Variants in LTBP2 observed in about 807,000 individuals in gnomAD.
LTBP2 encodes the protein latent-transforming growth factor beta-binding protein 2.
A neutral mutation model predicts 210.6 loss-of-function variants in LTBP2; 103 were observed. The observed-to-expected ratio is 0.49, with a 90% CI of 0.42 to 0.58. The LOEUF (loss-of-function observed/expected upper bound fraction) is 0.58, where lower values mean the gene tolerates loss of function less well. Ranked by LOEUF, LTBP2 falls within the 20% of genes least tolerant of loss-of-function variation. The pLI is 0.00. For missense variants in LTBP2, 2,313 were observed against 2,494.5 expected, an observed-to-expected ratio of 0.93 and a Z score of 1.55; for synonymous variants, 1,007 against 1,015.0, an observed-to-expected ratio of 0.99 and a Z score of 0.15.
At chr14:74,531,248 A>G (rs189056372) in intron 10 of LTBP2, among the ~76,000 whole-genome samples, 1 of 152,312 alleles carries the variant, frequency 6.6e-6, no homozygotes, top group Non-Finnish European at 1.5e-5. Context: ...GAATCACTGT[A>G]GGAGGCTGGA....
At chr14:74,504,380 C>T (rs2086955975) in intron 30 of LTBP2, among the ~76,000 whole-genome samples, 1 of 152,218 alleles carries the variant, frequency 6.6e-6, no homozygotes, top group Non-Finnish European at 1.5e-5. Context: ...GTACCTGGAC[C>T]ATCCTACTGT....
rs1273987376 is a variant in LTBP2, at chr14:74,604,164, C to CAAACAAAAAAAAAAAAAAAAA, written c.495-460_495-459insTTTTTTTTTTTTTTTTTGTTT. ...GCTCCAACTCTACATTGCCTCTCAC[C>CAAACAAAAAAAAAAAAAAAAA]AAAAAAAAAAAAAAAAAAAACCACA... On this transcript the variant is annotated intron_variant, in intron 1 of 35. Coordinates refer to ENST00000261978, the MANE Select transcript of LTBP2 (RefSeq NM_000428.3). 2.9e-3 allele frequency among the ~76,000 whole-genome samples: 208 copies of CAAACAAAAAAAAAAAAAAAAA among 72,692 alleles called. 6 individuals are homozygous for CAAACAAAAAAAAAAAAAAAAA. The highest frequency in any genetic ancestry group is 0.015 in the African/African-American group (197 of 13,396). 47.7% of individuals were successfully genotyped at this position (72,692 alleles called of 152,430 possible).
intron 34 of LTBP2, 58 bp downstream of exon 34, chr14:74,502,595 G>A (rs757213554): frequency 1.2e-6 from 2 of 1,609,450 alleles, no homozygotes; most frequent in Admixed American, 1.7e-5. Context: ...AGGTGGAGGA[G>A]ATGGAAGTGA....
At chr14:74,502,213 C>T (rs2086918224) in intron 34 of LTBP2, among the ~76,000 whole-genome samples, 1 of 152,126 alleles carries the variant, frequency 6.6e-6, no homozygotes, top group South Asian at 2.1e-4. Flanking sequence ...GTTTGGATCG[C>T]ACCATTCACA....
At chr14:74,585,412 T>C (rs1488080478) in intron 3 of LTBP2, among the ~76,000 whole-genome samples, 3 of 152,206 alleles carry the variant, frequency 2.0e-5, no homozygotes, top group Admixed American at 1.3e-4. Context: ...TTTCTTTATA[T>C]TGACTAATTT....
Position 74,505,116 on chromosome 14 carries a change from G to A in LTBP2, c.4236C>T (p.Asp1412=). ...GDHAPAPTRM[D]CYSGQKGHAP... ...CATGGCCCTTCTGCCCGGAGTAGCA[G>A]TCCATGCGGGTGGGGGCCGGGGCAT... is the stretch of plus-strand genomic sequence containing the variant. The change falls in exon 29 of 36, where the codon GAC becomes GAT. Residue 1412 remains aspartate, a synonymous_variant. Coordinates refer to ENST00000261978, the MANE Select transcript of LTBP2 (RefSeq NM_000428.3). 1 of 1,613,948 alleles carries A rather than the reference G, an allele frequency of 6.2e-7. No individual in the cohort carries two copies. Among genetic ancestry groups the A allele is most frequent in the Non-Finnish European group, 8.5e-7 (1 of 1,180,042 alleles).
At chr14:74,506,314 A>C in intron 27 of LTBP2, 123 bp from the exon 28 acceptor site, 1 of 1,324,884 alleles carries the variant, frequency 7.5e-7, no homozygotes, top group Non-Finnish European at 1.1e-6. Context: ...AAGAGTAAGT[A>C]TAGATTTGTA....
chr14:74,563,563 CACTG>C (rs1250043994), intron 3 of LTBP2, among the ~76,000 whole-genome samples: 4 of 152,138 alleles, frequency 2.6e-5, no homozygotes, highest in African/African-American at 7.2e-5. Flanking sequence ...CCAATCCCAC[CACTG>C]ACTGTTTTTG....
At position 74,586,155 on chromosome 14, in the gene LTBP2, T is replaced by C. The variant is rs1353575959; in HGVS notation, c.566-37A>G. On this transcript the variant is annotated intron_variant, in intron 2 of 35. Transcript: ENST00000261978. The surrounding 1 kb of genome is among the most constrained non-coding windows in gnomAD (Gnocchi z 4.6). ...GGGAGAGAGGTGACAGCAGTGGCCA[T>C]AGGGCACTGAGACCACAGCTGCCCA... 2 of 1,571,886 alleles carry C rather than the reference T, an allele frequency of 1.3e-6. No homozygotes were observed. Among genetic ancestry groups the C allele is most frequent in the Non-Finnish European group, 8.6e-7 (1 of 1,159,794 alleles).
At position 74,527,813 on chromosome 14, in the gene LTBP2, T is replaced by C. The variant is rs554186524; in HGVS notation, c.2369-447A>G. Among the ~76,000 whole-genome samples the C allele has an allele frequency of 6.2e-4, 94 of 152,160 alleles. 1 individual carries two copies. The highest frequency in any genetic ancestry group is 1.2e-3 in the Non-Finnish European group (85 of 68,020). Reference sequence around the variant, plus strand: ...GGAACAGTTTGAGGAAGGAGTGGAATTGCTCCTGGCTTGGCCGGTGTCCTG... The same window carrying C: ...GGAACAGTTTGAGGAAGGAGTGGAACTGCTCCTGGCTTGGCCGGTGTCCTG... On this transcript the variant is annotated intron_variant, in intron 12 of 35. Coordinates refer to ENST00000261978, the MANE Select transcript of LTBP2 (RefSeq NM_000428.3).
At chr14:74,503,801 C>A in intron 31 of LTBP2, 125 bp downstream of exon 31, 1 of 1,449,916 alleles carries the variant, frequency 6.9e-7, no homozygotes. Context: ...GACCAGCCTG[C>A]TGCAGTGGGC....
chr14:74,534,865 G>A (rs554812126), intron 9 of LTBP2, among the ~76,000 whole-genome samples: 1 of 152,182 alleles, frequency 6.6e-6, no homozygotes, highest in South Asian at 2.1e-4. Context: ...CTGAGGGAAG[G>A]TCCTTTGGTG....
intron 24 of LTBP2, 82 bp downstream of exon 24, chr14:74,508,522 G>T: frequency 6.5e-7 from 1 of 1,548,372 alleles, no homozygotes; most frequent in South Asian, 1.2e-5. Context: ...AGCCTGTAGC[G>T]CCCATGCTCC....
At chr14:74,535,222 C>A (rs1424281808) in intron 9 of LTBP2, among the ~76,000 whole-genome samples, 3 of 152,116 alleles carry the variant, frequency 2.0e-5, no homozygotes, top group Admixed American at 6.5e-5. Flanking sequence ...CCATGCAGAG[C>A]TTCCCCAGAC....
At chr14:74,597,309 C>T (rs899339362) in intron 2 of LTBP2, among the ~76,000 whole-genome samples, 3 of 152,222 alleles carry the variant, frequency 2.0e-5, no homozygotes, top group Non-Finnish European at 4.4e-5. Context: ...CGCTTGGCTC[C>T]TATGGCCTCC....
intron 8 of LTBP2, among the ~76,000 whole-genome samples, chr14:74,543,473 C>A (rs149056686): frequency 7.3e-4 from 110 of 151,436 alleles, no homozygotes; most frequent in Non-Finnish European, 1.4e-3. Flanking sequence ...TCAGACTGAA[C>A]CTCGCAGATG....
intron 3 of LTBP2, among the ~76,000 whole-genome samples, chr14:74,580,144 G>A (rs552155475): frequency 1.3e-5 from 2 of 152,312 alleles, no homozygotes; most frequent in South Asian, 4.1e-4. Context: ...AGGTGGGGAG[G>A]ATGTGGAGGG....
At chr14:74,526,986 C>A (rs2087281413) in intron 13 of LTBP2, among the ~76,000 whole-genome samples, 1 of 152,116 alleles carries the variant, frequency 6.6e-6, no homozygotes, top group African/African-American at 2.4e-5. Flanking sequence ...AGTGCCAGAC[C>A]CAGAATGAAC....
chr14:74,611,829 G>C lies in LTBP2; in HGVS notation c.116C>G (p.Pro39Arg). The change falls in exon 1 of 36, where the codon CCC (proline) becomes CGC (arginine). Residue 39 changes from proline to arginine, a missense_variant. Physicochemically the swap from Pro to Arg is moderately radical, Grantham distance 103. Coordinates refer to ENST00000261978, the MANE Select transcript of LTBP2 (RefSeq NM_000428.3). The part of the protein sequence containing the change: ...FVGAGHAQRD[P>R]VGRYEPAGGD... ...ACCAGCCGGCTCGTATCTCCCTACG[G>C]GGTCCCTTTGGGCATGACCCGCGCC... 1 of 1,611,572 alleles carries C rather than the reference G, an allele frequency of 6.2e-7. No homozygotes were observed. Among genetic ancestry groups the C allele is most frequent in the Non-Finnish European group, 8.5e-7 (1 of 1,179,642 alleles).
Sources: allele counts gnomAD v4.1 joint callset (sites outside exome capture counted in the v4.1 genomes callset), GRCh38; gene constraint gnomAD v4.1.1; non-coding constraint Gnocchi (gnomAD v3.1); transcripts MANE v1.5; gene names NCBI Gene and HGNC (gene_info 2026-07-23, HGNC 2026-07-21).